The following WDR38 variants were observed in gnomAD, a reference collection of about 807,000 sequenced individuals.
WDR38 encodes WD repeat-containing protein 38.
Under a neutral mutation model 36.6 loss-of-function variants are expected in WDR38, and 37 were observed. The observed-to-expected ratio is 1.01, with a 90% CI of 0.78 to 1.33. WDR38 has a LOEUF of 1.33. Ranked by LOEUF, WDR38 falls within the 40% of genes most tolerant of loss-of-function variation. WDR38 has a pLI of 0.00. For synonymous variants in WDR38, 164 were observed against 168.1 expected, an observed-to-expected ratio of 0.98 and a Z score of 0.19; for missense variants, 411 against 414.6, an observed-to-expected ratio of 0.99 and a Z score of 0.07.
Position 124,857,797 on chromosome 9 carries a change from T to C in WDR38, c.*167T>C. On this transcript the variant is annotated 3_prime_UTR_variant, in exon 9 of 9. Transcript: ENST00000373574. ...CAGACAACTGTGGTGGGCAGGACGC[T>C]TGCTGGAACCCATCAGACACCTGGT... The C allele has an allele frequency of 3.3e-6, 5 of 1,517,198 alleles. No homozygotes were observed. The highest frequency in any genetic ancestry group is 2.7e-6 in the Non-Finnish European group (3 of 1,121,030). 94.0% of individuals were successfully genotyped at this position (1,517,198 alleles called of 1,614,324 possible). A position where few individuals can be genotyped will look rare whatever the true frequency, so the allele number is the denominator to read the frequency against.
rs149296960 is a variant in WDR38, at chr9:124,856,349, C to T, written c.486+29C>T. 68 of 1,613,652 alleles carry T rather than the reference C, an allele frequency of 4.2e-5. 1 individual carries two copies. The African/African-American group carries it at 7.5e-4, about 18-fold the overall frequency. On this transcript the variant is annotated intron_variant, in intron 5 of 8. Transcript: ENST00000373574. ...AGCCTACCCTCTGCCCTGGGCCCCA[C>T]CTCAGTGGCCCCATACCCACTTGGA...
Position 124,856,254 on chromosome 9 carries a change from G to T in WDR38, c.420G>T (p.Leu140=). The part of the protein sequence containing the change: ...MLWDVQSGQM[L]RLLVGHRDSI... The stretch of plus-strand genomic sequence containing the variant: ...GCTCTCTCTAGTCCGGCCAGATGCT[G>T]CGCCTCTTAGTTGGGCACCGTGACT... The change falls in exon 5 of 9, where the codon CTG becomes CTT. Residue 140 remains leucine (L), a synonymous_variant. Transcript: ENST00000373574. 1 of 1,614,166 alleles carries T rather than the reference G, an allele frequency of 6.2e-7. No homozygotes were observed. The highest frequency in any genetic ancestry group is 1.1e-5 in the South Asian group (1 of 91,088).
chr9:124,854,355 C>G (rs76227656), intron 2 of WDR38, 30 bp downstream of exon 2: 1 of 1,611,370 alleles, frequency 6.2e-7, no homozygotes, highest in Non-Finnish European at 8.5e-7. Context: ...CCGGGAAGAC[C>G]GAGGCACAAG....
At position 124,856,896 on chromosome 9, in the gene WDR38, C is replaced by T. The variant is rs1265058927; in HGVS notation, c.768+15C>T. On this transcript the variant is annotated intron_variant, in intron 7 of 8. Coordinates refer to ENST00000373574, the MANE Select transcript of WDR38 (RefSeq NM_001045476.3). ...ATTCCCGCATGGTAACCACCCCGGG[C>T]CCATCCTGCTCCTACCTACCCATCC... 3 of 1,613,200 alleles carry T rather than the reference C, an allele frequency of 1.9e-6. No individual in the cohort carries two copies. The highest frequency in any genetic ancestry group is 8.5e-7 in the Non-Finnish European group (1 of 1,180,018).
chr9:124,853,821 AG>A (rs978850569), intron 1 of WDR38, among the ~76,000 whole-genome samples: 4 of 152,126 alleles, frequency 2.6e-5, no homozygotes, highest in Non-Finnish European at 5.9e-5. Context: ...CTGTAAAAAG[AG>A]CCCCGGGCTC....
chr9:124,855,538 G>A (rs749376634), intron 2 of WDR38, 96 bp from the exon 3 acceptor site: 1 of 1,256,186 alleles, frequency 8.0e-7, no homozygotes. Flanking sequence ...GGTGAGGGGA[G>A]GCTGGCGACG....
Position 124,857,809 on chromosome 9 carries a change from A to G in WDR38, c.*179A>G. 1 of 1,534,636 alleles carries G rather than the reference A, an allele frequency of 6.5e-7. No homozygotes were observed. Among genetic ancestry groups the G allele is most frequent in the East Asian group, 2.3e-5 (1 of 43,922 alleles). On this transcript the variant is annotated 3_prime_UTR_variant, in exon 9 of 9. Coordinates refer to ENST00000373574, the MANE Select transcript of WDR38 (RefSeq NM_001045476.3). ...GTGGGCAGGACGCTTGCTGGAACCC[A>G]TCAGACACCTGGTCCCCAAAACCAG...
chr9:124,857,670 C>G lies in WDR38; in HGVS notation c.*40C>G. The G allele has an allele frequency of 6.2e-7, 1 of 1,611,252 alleles. No homozygotes were observed. Among genetic ancestry groups the G allele is most frequent in the Non-Finnish European group, 8.5e-7 (1 of 1,179,726 alleles). ...GATGGTGCCGACCTCACCCGCTCCC[C>G]TCAGTGGCGCACAGGCATGCCGCTT... On this transcript the variant is annotated 3_prime_UTR_variant, in exon 9 of 9. Coordinates refer to ENST00000373574, the MANE Select transcript of WDR38 (RefSeq NM_001045476.3).
chr9:124,856,967 TC>T (rs1188101597), intron 7 of WDR38, 86 bp downstream of exon 7: 1 of 1,577,772 alleles, frequency 6.3e-7, no homozygotes, highest in African/African-American at 1.3e-5. Context: ...AATGCCCACA[TC>T]CCCACTTGCC....
Position 124,857,722 on chromosome 9 carries a change from C to T in WDR38, c.*92C>T, listed in dbSNP as rs545392429. 1.0e-5 allele frequency: 16 copies of T among 1,571,526 alleles called. No individual in the cohort carries two copies. In the East Asian group the frequency reaches 2.7e-4, roughly 27 times the overall value. ...TCCCCACAGACGCAAAGTGACTGTG[C>T]TGGCATCCAGCAGATCCCCATGGCC... On this transcript the variant is annotated 3_prime_UTR_variant, in exon 9 of 9. Transcript: ENST00000373574.
At position 124,856,248 on chromosome 9, in the gene WDR38, G is replaced by C. The variant is rs763231172; in HGVS notation, c.414G>C (p.Gln138His). 2 of 1,614,086 alleles carry C rather than the reference G, an allele frequency of 1.2e-6. No homozygotes were observed. Among genetic ancestry groups the C allele is most frequent in the Admixed American group, 3.3e-5 (2 of 60,016 alleles). ...CTCAGGGCTCTCTCTAGTCCGGCCA[G>C]ATGCTGCGCCTCTTAGTTGGGCACC... ...RVMLWDVQSG[Q>H]MLRLLVGHRD... Residue 138 changes from glutamine to histidine, a missense_variant, in exon 5 of 9, where the codon CAG becomes CAC. Physicochemically the swap from Gln to His is conservative, Grantham distance 24. Coordinates refer to ENST00000373574, the MANE Select transcript of WDR38 (RefSeq NM_001045476.3).
In WDR38 at chr9:124,856,742, C is replaced by G; in HGVS notation, c.629C>G (p.Ser210Cys). 6.2e-7 allele frequency: 1 copy of G among 1,614,208 alleles called. No individual in the cohort carries two copies. Among genetic ancestry groups the G allele is most frequent in the African/African-American group, 1.3e-5 (1 of 75,046 alleles). The change falls in exon 7 of 9, where the codon TCC becomes TGC. Residue 210 changes from serine to cysteine, a missense_variant. Ser to Cys is a moderately radical substitution (Grantham distance 112, BLOSUM62 -1). Transcript: ENST00000373574. ...YSASGLLASG[S>C]WDKTIHIWKP... Reference sequence around the variant, plus strand: ...CTGTCTGCTGTCCAGGCATCCGGCTCCTGGGACAAGACCATCCACATCTGG... The same window carrying G: ...CTGTCTGCTGTCCAGGCATCCGGCTGCTGGGACAAGACCATCCACATCTGG...
chr9:124,853,748 A>G, intron 1 of WDR38, 148 bp downstream of exon 1: 1 of 621,768 alleles, frequency 1.6e-6, no homozygotes, highest in Non-Finnish European at 2.4e-6. Flanking sequence ...GAAGGATCGA[A>G]GTAGGTTCTC....
At chr9:124,856,085 C>G (rs970101904) in intron 4 of WDR38, 127 bp downstream of exon 4, 44 of 1,515,444 alleles carry the variant, frequency 2.9e-5, no homozygotes, top group Non-Finnish European at 3.9e-5. Flanking sequence ...CAGCAGGCAA[C>G]CAAGGCTGCC....
chr9:124,853,503 C>T lies in WDR38; in HGVS notation c.-29C>T. ...GTCCCGCGGCCGCCTAGGAGGGAGC[C>T]CGCCGGGGCGGGGCGGGGCCGGGTG... On this transcript the variant is annotated 5_prime_UTR_variant, in exon 1 of 9. Transcript: ENST00000373574. The T allele has an allele frequency of 8.1e-7, 1 of 1,241,472 alleles. No individual in the cohort carries two copies. The highest frequency in any genetic ancestry group is 3.1e-5 in the East Asian group (1 of 31,840). The allele number at this position is 1,241,472 out of a possible 1,614,324, so 76.9% of individuals were successfully genotyped here. A position where few individuals can be genotyped will look rare whatever the true frequency, so the allele number is the denominator to read the frequency against.
rs745929884 is a variant in WDR38, at chr9:124,855,916, A to T, written c.363A>T (p.Ala121=). 6 of 1,614,006 alleles carry T rather than the reference A, an allele frequency of 3.7e-6. No homozygotes were observed. The highest frequency in any genetic ancestry group is 4.2e-6 in the Non-Finnish European group (5 of 1,179,956). Residue 121 remains alanine (A), a synonymous_variant, in exon 4 of 9, where the codon GCA becomes GCT. Coordinates refer to ENST00000373574, the MANE Select transcript of WDR38 (RefSeq NM_001045476.3). ...TCAGCCCTGACTCGAGACAGCTGGCATCAGGTGGCTGGGACAAGCGGGTGA... is the reference window on the plus strand; with the variant it reads ...TCAGCCCTGACTCGAGACAGCTGGCTTCAGGTGGCTGGGACAAGCGGGTGA... ...VSFSPDSRQL[A]SGGWDKRVML...
Position 124,855,628 on chromosome 9 carries a change from G to A in WDR38, c.191-6G>A, listed in dbSNP as rs1193243355. 6.8e-6 allele frequency: 11 copies of A among 1,607,386 alleles called. No individual in the cohort carries two copies. The highest frequency in any genetic ancestry group is 4.5e-5 in the East Asian group (2 of 44,896). ...CTCTGTCCCCTGACTGTGGCCACCC[G>A]CCCAGGCCCCGTGAAGTTCTGCCGC... On this transcript the variant is annotated splice_polypyrimidine_tract_variant and splice_region_variant and intron_variant, in intron 2 of 8. Coordinates refer to ENST00000373574, the MANE Select transcript of WDR38 (RefSeq NM_001045476.3).
At chr9:124,856,098 C>A (rs936919399) in intron 4 of WDR38, 140 bp downstream of exon 4, 46 of 1,507,684 alleles carry the variant, frequency 3.1e-5, no homozygotes, top group Non-Finnish European at 7.2e-6. Flanking sequence ...AGGCTGCCCC[C>A]ACCTGGCCAC....
intron 7 of WDR38, 60 bp downstream of exon 7, chr9:124,856,941 C>G: frequency 6.2e-7 from 1 of 1,604,080 alleles, no homozygotes; most frequent in African/African-American, 1.3e-5. Context: ...CAGGAGCCCT[C>G]AGCACTCACT....
Sources: allele counts gnomAD v4.1 joint callset (sites outside exome capture counted in the v4.1 genomes callset), GRCh38; gene constraint gnomAD v4.1.1; transcripts MANE v1.5; gene names NCBI Gene and HGNC (gene_info 2026-07-23, HGNC 2026-07-21).